The following CACUL1 variants were observed in gnomAD, a reference collection of about 807,000 sequenced individuals.
CACUL1 encodes CDK2-associated and cullin domain-containing protein 1.
A neutral mutation model predicts 45.2 loss-of-function variants in CACUL1; 13 were observed. The observed-to-expected ratio is 0.29, with a 90% CI of 0.19 to 0.46. The LOEUF (loss-of-function observed/expected upper bound fraction) is 0.46, where lower values mean the gene tolerates loss of function less well. CACUL1 is among the 20% of genes least tolerant of loss of function. The pLI, the probability that CACUL1 is intolerant of heterozygous loss-of-function variation, is 1.00. For synonymous variants in CACUL1, 197 were observed against 174.2 expected, an observed-to-expected ratio of 1.13 and a Z score of -1.03; for missense variants, 421 against 471.4, an observed-to-expected ratio of 0.89 and a Z score of 0.99.
At chr10:118,721,146 T>A (rs1012041515) in intron 3 of CACUL1, among the ~76,000 whole-genome samples, 2 of 152,228 alleles carry the variant, frequency 1.3e-5, no homozygotes, top group African/African-American at 4.8e-5. Context: ...AATTAAAACC[T>A]TTAAAACACA....
At chr10:118,748,960 G>A (rs1845870631) in intron 1 of CACUL1, among the ~76,000 whole-genome samples, 2 of 152,188 alleles carry the variant, frequency 1.3e-5, no homozygotes, top group Admixed American at 1.3e-4. Context: ...GAAGAGTCAG[G>A]AGGAGGGAGG....
At chr10:118,751,171 G>C (rs1434734404) in intron 1 of CACUL1, among the ~76,000 whole-genome samples, 1 of 152,102 alleles carries the variant, frequency 6.6e-6, no homozygotes, top group Non-Finnish European at 1.5e-5. Flanking sequence ...TGTCTAGTCA[G>C]ATCATCATCC....
At chr10:118,711,381 A>G (rs2119599457) in intron 3 of CACUL1, among the ~76,000 whole-genome samples, 1 of 152,336 alleles carries the variant, frequency 6.6e-6, no homozygotes, top group South Asian at 2.1e-4. Context: ...CACCTGGCCT[A>G]ATAACATTTT....
intron 1 of CACUL1, among the ~76,000 whole-genome samples, chr10:118,750,914 T>C (rs1845892169): frequency 6.6e-6 from 1 of 152,230 alleles, no homozygotes; most frequent in Admixed American, 6.5e-5. Context: ...GCATACAGTG[T>C]GTAATAATCC....
intron 3 of CACUL1, among the ~76,000 whole-genome samples, chr10:118,718,443 A>G (rs1238566570): frequency 6.6e-6 from 1 of 152,200 alleles, no homozygotes; most frequent in African/African-American, 2.4e-5. Flanking sequence ...GATTAAGTAC[A>G]GTTGTTTTGA....
intron 3 of CACUL1, among the ~76,000 whole-genome samples, chr10:118,728,260 C>T (rs1564836282): frequency 6.6e-6 from 1 of 151,960 alleles, no homozygotes; most frequent in Non-Finnish European, 1.5e-5. Flanking sequence ...TTCAAAACTG[C>T]TGGGGTGCTT....
At chr10:118,709,620 C>T (rs974874422) in intron 3 of CACUL1, among the ~76,000 whole-genome samples, 7 of 152,202 alleles carry the variant, frequency 4.6e-5, no homozygotes, top group Non-Finnish European at 2.9e-5. Flanking sequence ...TCATATCTTA[C>T]ACATAAAGTC....
rs777507869 is a variant in CACUL1 at position 118,718,699 on chromosome 10, A to C, written c.597+10596T>G. On this transcript the variant is annotated intron_variant, in intron 3 of 8. Transcript: ENST00000369151. ...CACGACTTTCTCCTGCCTCAGCCCCAAGTACCTGGGCCTATAGGCGCCCGC... is the reference window on the plus strand; with the variant it reads ...CACGACTTTCTCCTGCCTCAGCCCCCAGTACCTGGGCCTATAGGCGCCCGC... Among the ~76,000 whole-genome samples the C allele has an allele frequency of 5.3e-5, 8 of 152,160 alleles. No homozygotes were observed. The South Asian group carries it at 1.7e-3, about 32-fold the overall frequency.
intron 3 of CACUL1, among the ~76,000 whole-genome samples, chr10:118,726,928 C>T (rs1223662605): frequency 1.3e-5 from 2 of 152,138 alleles, no homozygotes; most frequent in African/African-American, 2.4e-5. Flanking sequence ...AAACCACTCC[C>T]CGCTGCTATT....
chr10:118,748,681 G>C (rs1406129306), intron 1 of CACUL1, among the ~76,000 whole-genome samples: 1 of 152,030 alleles, frequency 6.6e-6, no homozygotes, highest in Non-Finnish European at 1.5e-5. Flanking sequence ...TCAATCATTT[G>C]GTATAACACA....
intron 1 of CACUL1, among the ~76,000 whole-genome samples, chr10:118,751,632 C>G (rs1845898807): frequency 6.6e-6 from 1 of 152,298 alleles, no homozygotes; most frequent in South Asian, 2.1e-4. Context: ...ATAAGGCAAG[C>G]CTCCCATCCC....
chr10:118,699,714 G>A (rs1362540306), intron 5 of CACUL1, among the ~76,000 whole-genome samples: 4 of 151,520 alleles, frequency 2.6e-5, no homozygotes, highest in African/African-American at 7.3e-5. Flanking sequence ...ACGCGATCTC[G>A]GCTCACTGCA....
chr10:118,730,228 GT>G (rs1188804400), intron 2 of CACUL1, 55 bp downstream of exon 2: 3 of 1,570,162 alleles, frequency 1.9e-6, no homozygotes, highest in Non-Finnish European at 2.6e-6. Flanking sequence ...CATAATTCAA[GT>G]GCCTTGAACC....
chr10:118,716,901 G>A (rs777104755), intron 3 of CACUL1, among the ~76,000 whole-genome samples: 8 of 152,048 alleles, frequency 5.3e-5, no homozygotes, highest in South Asian at 2.1e-4. Context: ...CGAGCCCAGC[G>A]CACTATCTTA....
chr10:118,699,915 T>G (rs1376647551), intron 5 of CACUL1, among the ~76,000 whole-genome samples: 3 of 152,114 alleles, frequency 2.0e-5, no homozygotes, highest in East Asian at 3.9e-4. Flanking sequence ...CCCAAAGCGC[T>G]GGGATTACAG....
chr10:118,738,441 G>A (rs1365958031), intron 1 of CACUL1, among the ~76,000 whole-genome samples: 2 of 151,958 alleles, frequency 1.3e-5, no homozygotes, highest in Non-Finnish European at 2.9e-5. Flanking sequence ...AATGCTACGC[G>A]CCAGGAAAAA....
chr10:118,705,327 T>C (rs1845423269), intron 4 of CACUL1, among the ~76,000 whole-genome samples: 1 of 152,202 alleles, frequency 6.6e-6, no homozygotes, highest in Admixed American at 6.5e-5. Flanking sequence ...GACTCTGTAG[T>C]TTATATTCAA....
chr10:118,724,177 C>A (rs1361566789), intron 3 of CACUL1, among the ~76,000 whole-genome samples: 1 of 152,126 alleles, frequency 6.6e-6, no homozygotes, highest in Non-Finnish European at 1.5e-5. Flanking sequence ...ATTTAATGAG[C>A]CTTATACTCC....
At chr10:118,747,464 A>T (rs1428205880) in intron 1 of CACUL1, among the ~76,000 whole-genome samples, 1 of 151,520 alleles carries the variant, frequency 6.6e-6, no homozygotes, top group Admixed American at 6.6e-5. Context: ...AGTTGTGTTC[A>T]TGACAGCCAA....
Sources: gnomAD v4.1 joint callset for allele counts (sites outside exome capture counted in the v4.1 genomes callset) on GRCh38, gnomAD v4.1.1 for gene constraint, MANE v1.5 for transcripts, NCBI Gene and HGNC (gene_info 2026-07-23, HGNC 2026-07-21) for gene names.